Variants in VWA2 observed in about 807,000 individuals in gnomAD.
VWA2 encodes von Willebrand factor A domain containing 2, also known as von Willebrand factor A domain-containing protein 2.
VWA2 carries 73 observed loss-of-function variants against 70.4 expected under a neutral mutation model. The ratio of observed to expected loss-of-function variants is 1.04; its 90% CI spans 0.86 to 1.26. The LOEUF (loss-of-function observed/expected upper bound fraction) is 1.26, where lower values mean the gene tolerates loss of function less well. Ranked by LOEUF, VWA2 falls within the 50% of genes most tolerant of loss-of-function variation. The pLI is 0.00. For missense variants in VWA2, 1,011 were observed against 998.5 expected (o/e 1.01, Z -0.17); for synonymous variants, 407 against 423.3 (o/e 0.96, Z 0.47).
At position 114,270,389 on chromosome 10, in the gene VWA2, A is replaced by G. The variant is rs76554296; in HGVS notation, c.372-2351A>G. Among the ~76,000 whole-genome samples the G allele has an allele frequency of 5.6e-3, 856 of 152,358 alleles. 5 individuals are homozygous for G. Among genetic ancestry groups the G allele is most frequent in the African/African-American group, 0.02 (821 of 41,570 alleles). ...AATTATATGATAATATGCTAAGCAT[A>G]TATAGCTAAACATGGGTTGAGCACA... On this transcript the variant is annotated intron_variant, in intron 5 of 13. Coordinates refer to ENST00000392982, the MANE Select transcript of VWA2 (RefSeq NM_001272046.2).
chr10:114,287,281 C>A (rs11196681), intron 11 of VWA2, among the ~76,000 whole-genome samples: 1 of 151,936 alleles, frequency 6.6e-6, no homozygotes, highest in Non-Finnish European at 1.5e-5. Flanking sequence ...CCTGGGCTCA[C>A]GTGATCCTTC....
Position 114,267,076 on chromosome 10 carries a change from C to T in VWA2, c.372-5664C>T, listed in dbSNP as rs753518278. Among the ~76,000 whole-genome samples, 4 of 152,186 alleles carry T rather than the reference C, an allele frequency of 2.6e-5. No homozygotes were observed. In the East Asian group the frequency reaches 7.7e-4, roughly 29 times the overall value. ...TTTTGTCTATTGCTGGAAAAAAAAG[C>T]TGTAATCAACATCCCTGTACCTACA... On this transcript the variant is annotated intron_variant, in intron 5 of 13. Coordinates refer to ENST00000392982, the MANE Select transcript of VWA2 (RefSeq NM_001272046.2).
rs780975574 is a variant in VWA2 at position 114,286,122 on chromosome 10, C to T, written c.1181C>T (p.Ala394Val). 19 of 1,613,966 alleles carry T rather than the reference C, an allele frequency of 1.2e-5. No individual in the cohort carries two copies. Among genetic ancestry groups the T allele is most frequent in the Admixed American group, 1.7e-5 (1 of 60,006 alleles). Residue 394 changes from alanine (A) to valine (V), a missense_variant, in exon 11 of 14, where the codon GCG becomes GTG. Coordinates refer to ENST00000392982, the MANE Select transcript of VWA2 (RefSeq NM_001272046.2). The stretch of plus-strand genomic sequence containing the variant: ...ACATACAGCAGGGAGCTGCTGGTGG[C>T]GGTGCCTGTGGGGGAGTACCAGGAT... The part of the protein sequence containing the change: ...VATYSRELLV[A>V]VPVGEYQDVP...
chr10:114,254,007 A>C (rs917481804), intron 3 of VWA2, among the ~76,000 whole-genome samples: 1 of 151,496 alleles, frequency 6.6e-6, no homozygotes, highest in Admixed American at 6.6e-5. Context: ...GCGCCATTGC[A>C]CTCCAGCCTG....
chr10:114,263,328 A>ATTTTTTTTTTTTTTTT (rs35723083), intron 5 of VWA2, among the ~76,000 whole-genome samples: 1 of 76,144 alleles, frequency 1.3e-5, no homozygotes, highest in Non-Finnish European at 2.4e-5. Flanking sequence ...AATCTCCCCC[A>ATTTTTTTTTTTTTTTT]TTTTTTTTTT....
At chr10:114,256,909 CAAAAA>C (rs1191231574) in intron 4 of VWA2, among the ~76,000 whole-genome samples, 1,503 of 54,792 alleles carry the variant, frequency 0.027, 14 homozygotes, top group African/African-American at 0.062. Context: ...AACACCGTCT[CAAAAA>C]AAAAAAAAAA....
intron 8 of VWA2, among the ~76,000 whole-genome samples, chr10:114,279,118 A>G (rs1169505830): frequency 2.0e-5 from 3 of 152,178 alleles, no homozygotes; most frequent in Non-Finnish European, 4.4e-5. Context: ...GAGTGAGCCA[A>G]GTGCTGGCCC....
chr10:114,242,629 T>C (rs937905067), intron 1 of VWA2, among the ~76,000 whole-genome samples: 5 of 152,180 alleles, frequency 3.3e-5, no homozygotes, highest in African/African-American at 1.2e-4. Context: ...TACCAGTGCA[T>C]CTGTGTACCG....
chr10:114,270,837 T>G (rs2037691798), intron 5 of VWA2, among the ~76,000 whole-genome samples: 1 of 152,152 alleles, frequency 6.6e-6, no homozygotes, highest in Non-Finnish European at 1.5e-5. Flanking sequence ...TGCTCTGTTT[T>G]TCTTTGATAA....
At chr10:114,245,714 T>C (rs1415018256) in intron 1 of VWA2, among the ~76,000 whole-genome samples, 1 of 152,184 alleles carries the variant, frequency 6.6e-6, no homozygotes, top group Non-Finnish European at 1.5e-5. Context: ...TCTCACCACC[T>C]TTCTCCCTTT....
intron 11 of VWA2, among the ~76,000 whole-genome samples, 191 bp downstream of exon 11, chr10:114,286,702 C>A (rs1303530975): frequency 6.6e-6 from 1 of 152,190 alleles, no homozygotes; most frequent in Non-Finnish European, 1.5e-5. Flanking sequence ...AATAGTAGTA[C>A]CTCCTGAGAG....
rs118068809 is a variant in VWA2, at chr10:114,274,990, G to A, written c.566+2056G>A. On this transcript the variant is annotated intron_variant, in intron 6 of 13. Transcript: ENST00000392982. ...CTGTTTCAGACAGAGGAAGTTTGCG[G>A]TGCACATTGTACAGCTCAGTGTGGG... 9.7e-4 allele frequency among the ~76,000 whole-genome samples: 148 copies of A among 152,288 alleles called. 2 individuals are homozygous for A. In the East Asian group the frequency reaches 0.024, roughly 25 times the overall value.
chr10:114,261,011 G>A (rs1008301580), intron 4 of VWA2, among the ~76,000 whole-genome samples, 175 bp from the exon 5 acceptor site: 2 of 152,220 alleles, frequency 1.3e-5, no homozygotes, highest in African/African-American at 2.4e-5. Flanking sequence ...TTTTTTCCAG[G>A]TTCTCCAAAT....
In VWA2 at chr10:114,290,260, C is replaced by T. The variant is rs62623671; in HGVS notation, c.2143C>T (p.Leu715Phe). 19,624 of 1,550,568 alleles carry T rather than the reference C, an allele frequency of 0.013. 165 individuals are homozygous for T. Among genetic ancestry groups the T allele is most frequent in the Middle Eastern group, 0.018 (106 of 5,992 alleles). ...TGTAGAAGCCAAGCAGCCAGTCAAC[C>T]TCTGCAAACCCAGCCCGTGCATGAA... ...LCGEAKQPVNLCKPSPCMNEG... is the reference protein window; with the variant it reads ...LCGEAKQPVNFCKPSPCMNEG... Residue 715 changes from leucine (L) to phenylalanine (F), a missense_variant, in exon 13 of 14, where the codon CTC becomes TTC. Coordinates refer to ENST00000392982, the MANE Select transcript of VWA2 (RefSeq NM_001272046.2).
chr10:114,286,201 C>G lies in VWA2; in HGVS notation c.1260C>G (p.Thr420=), dbSNP rs772969188. The G allele has an allele frequency of 1.9e-6, 3 of 1,613,846 alleles. No homozygotes were observed. The highest frequency in any genetic ancestry group is 2.2e-5 in the East Asian group (1 of 44,880). ...GCATTCCCTTCCGTGGTGGCCCCAC[C>G]CTGACGGGCAGTGCCTTGCGGCAGG... ...LDGIPFRGGP[T]LTGSALRQAA... is the part of the protein sequence containing the mutation. The change falls in exon 11 of 14, where the codon ACC becomes ACG. Residue 420 remains threonine (T), a synonymous_variant. Transcript: ENST00000392982.
At chr10:114,271,401 T>C (rs1589759147) in intron 5 of VWA2, among the ~76,000 whole-genome samples, 2 of 152,210 alleles carry the variant, frequency 1.3e-5, no homozygotes, top group East Asian at 3.8e-4. Context: ...AAGAATATTC[T>C]AGGCCTGGTC....
chr10:114,254,560 A>G (rs1213918398), intron 3 of VWA2, among the ~76,000 whole-genome samples: 3 of 152,094 alleles, frequency 2.0e-5, no homozygotes, highest in Non-Finnish European at 2.9e-5. Flanking sequence ...ATGGCCTCAC[A>G]TATCAGGGTG....
intron 9 of VWA2, 75 bp downstream of exon 9, chr10:114,282,646 AATC>A: frequency 7.5e-7 from 1 of 1,339,526 alleles, no homozygotes; most frequent in East Asian, 2.3e-5. Flanking sequence ...TGGCTTTTAC[AATC>A]CTGGGACAGA....
At chr10:114,274,161 G>A (rs1437991581) in intron 6 of VWA2, among the ~76,000 whole-genome samples, 1 of 152,252 alleles carries the variant, frequency 6.6e-6, no homozygotes, top group African/African-American at 2.4e-5. Flanking sequence ...AGCCCAGCAA[G>A]CAAGTGGCAG....
Sources: allele counts gnomAD v4.1 joint callset (sites outside exome capture counted in the v4.1 genomes callset), GRCh38; gene constraint gnomAD v4.1.1; transcripts MANE v1.5; gene names NCBI Gene and HGNC (gene_info 2026-07-23, HGNC 2026-07-21).